The following ZNF665 variants were observed in gnomAD, a reference collection of about 807,000 sequenced individuals.
ZNF665 encodes the protein zinc finger protein 665.
In ZNF665, 6 loss-of-function variants were observed where a neutral mutation model predicts 7.9. The ratio of observed to expected loss-of-function variants is 0.76; its 90% CI spans 0.42 to 1.50. The LOEUF is 1.50. Ranked by LOEUF, ZNF665 falls within the 40% of genes most tolerant of loss-of-function variation. The pLI is 0.01. For missense variants in ZNF665, 819 were observed against 806.7 expected (o/e 1.02, Z -0.18); for synonymous variants, 242 against 274.5 (o/e 0.88, Z 1.17).
chr19:53,164,417 C>T lies in ZNF665; in HGVS notation c.*36G>A, dbSNP rs532688642. 3.1e-5 allele frequency: 46 copies of T among 1,490,246 alleles called. No individual in the cohort carries two copies. The highest frequency in any genetic ancestry group is 1.9e-4 in the Middle Eastern group (1 of 5,344). The allele number at this position is 1,490,246 out of a possible 1,614,324, so 92.3% of individuals were successfully genotyped here. On this transcript the variant is annotated 3_prime_UTR_variant, in exon 4 of 4. Transcript: ENST00000396424. ...CCTCCCAAAGTGCTGGGATTACAGG[C>T]GTGAGCCACCACGCCCGGCGTCCTT...
intron 2 of ZNF665, chr19:53,179,760 A>T (rs2090724926): frequency 6.6e-6 from 1 of 152,222 alleles, no homozygotes; most frequent in East Asian, 1.9e-4. Flanking sequence ...GTCGGTCAGA[A>T]GTTTCAGAGG....
At chr19:53,183,518 C>A (rs376624676) in intron 1 of ZNF665, among the ~76,000 whole-genome samples, 5 of 151,984 alleles carry the variant, frequency 3.3e-5, no homozygotes, top group East Asian at 1.9e-4. Flanking sequence ...CCAGCACAGC[C>A]CCCCCACCTT....
intron 3 of ZNF665, among the ~76,000 whole-genome samples, chr19:53,171,504 G>GTGTGTATATATATA (rs140482885): frequency 0.078 from 4,402 of 56,686 alleles, 504 homozygotes; most frequent in Non-Finnish European, 0.12. Context: ...GTGTGTGTGT[G>GTGTGTATATATATA]TATATATATA....
chr19:53,169,149 C>CA (rs1378513440), intron 3 of ZNF665, among the ~76,000 whole-genome samples: 1 of 151,998 alleles, frequency 6.6e-6, no homozygotes, highest in Admixed American at 6.6e-5. Flanking sequence ...GGAAAATATT[C>CA]ACAAAGCACA....
At chr19:53,178,869 G>A (rs947674599) in intron 2 of ZNF665, among the ~76,000 whole-genome samples, 4 of 152,134 alleles carry the variant, frequency 2.6e-5, no homozygotes, top group Admixed American at 6.5e-5. Flanking sequence ...TAGTTTGCAC[G>A]CATTTGGAAG....
rs35735454 is a variant in ZNF665, at chr19:53,164,133, C to CTTTTTTTTTTTTTTTTT, written c.*303_*319dup. 10 of 104,626 alleles carry CTTTTTTTTTTTTTTTTT rather than the reference C, an allele frequency of 9.6e-5. No homozygotes were observed. Among genetic ancestry groups the CTTTTTTTTTTTTTTTTT allele is most frequent in the African/African-American group, 3.0e-4 (9 of 30,392 alleles). 6.5% of individuals were successfully genotyped at this position (104,626 alleles called of 1,614,324 possible). A position where few individuals can be genotyped will look rare whatever the true frequency, so the allele number is the denominator to read the frequency against. On this transcript the variant is annotated 3_prime_UTR_variant, in exon 4 of 4. Coordinates refer to ENST00000396424, the MANE Select transcript of ZNF665 (RefSeq NM_024733.5). The stretch of plus-strand genomic sequence containing the variant: ...CTGGCCGCACTCCTTTGTAAGGTTA[C>CTTTTTTTTTTTTTTTTT]TTTTTTTTTTTTTTTTTTTTTGGAG...
rs553421903 is a variant in ZNF665, at chr19:53,184,867, C to T, written c.-45-1924G>A. Reference sequence around the variant, plus strand: ...CCATCTCCAATGATAGGTAAGGTCACGTGGGTCACGTGTCCACTGGACAGA... The same window carrying T: ...CCATCTCCAATGATAGGTAAGGTCATGTGGGTCACGTGTCCACTGGACAGA... On this transcript the variant is annotated intron_variant, in intron 1 of 3. Coordinates refer to ENST00000396424, the MANE Select transcript of ZNF665 (RefSeq NM_024733.5). Among the ~76,000 whole-genome samples the T allele has an allele frequency of 7.3e-5, 11 of 151,480 alleles. No homozygotes were observed. The East Asian group carries it at 1.4e-3, about 19-fold the overall frequency.
rs374207298 is a variant in ZNF665, at chr19:53,166,083, T to C, written c.407A>G (p.His136Arg). Residue 136 changes from histidine (H) to arginine (R), a missense_variant, in exon 4 of 4, where the codon CAT (histidine) becomes CGT (arginine). Transcript: ENST00000396424. ...QRDRRAAGNR[H>R]IENQLGVSFQ... ...GCTTACTCCAAGCTGATTTTCAATA[T>C]GCCTGTTTCCTGCAGCCCTTCTATC... 1.9e-6 allele frequency: 3 copies of C among 1,614,134 alleles called. No individual in the cohort carries two copies. The highest frequency in any genetic ancestry group is 2.5e-6 in the Non-Finnish European group (3 of 1,179,970).
Position 53,165,834 on chromosome 19 carries a change from GA to G in ZNF665, c.655del (p.Ser219GlnfsTer3), listed in dbSNP as rs1252754640. On this transcript the variant is annotated frameshift_variant, in exon 4 of 4. Coordinates refer to ENST00000396424, the MANE Select transcript of ZNF665 (RefSeq NM_024733.5). LOFTEE classifies it low-confidence loss of function (END_TRUNC). ...GATGACCTGATGGATTGTTAGGTTT[GA>G]ACGAACAGTAAAGGCTTTGCCACAC... is the stretch of plus-strand genomic sequence containing the variant. ...NKCGKAFTVR[S>X]NLTIHQVIHT... 6.2e-7 allele frequency: 1 copy of G among 1,614,104 alleles called. No individual in the cohort carries two copies. The highest frequency in any genetic ancestry group is 8.5e-7 in the Non-Finnish European group (1 of 1,180,004).
rs1217508900 is a variant in ZNF665 at position 53,164,898 on chromosome 19, A to G, written c.1592T>C (p.Ile531Thr). ...KAFSVHSSLT[I>T]HQTIHTGQKP... Reference sequence around the variant, plus strand: ...TTGTCCAGTATGTATTGTCTGATGTATAGTTAGGCTTGAATGAACACTAAA... The same window carrying G: ...TTGTCCAGTATGTATTGTCTGATGTGTAGTTAGGCTTGAATGAACACTAAA... Residue 531 changes from isoleucine (I) to threonine (T), a missense_variant, in exon 4 of 4, where the codon ATA becomes ACA. Coordinates refer to ENST00000396424, the MANE Select transcript of ZNF665 (RefSeq NM_024733.5). 3 of 1,613,856 alleles carry G rather than the reference A, an allele frequency of 1.9e-6. No homozygotes were observed. The highest frequency in any genetic ancestry group is 2.5e-6 in the Non-Finnish European group (3 of 1,180,004).
intron 2 of ZNF665, chr19:53,180,896 G>GT (rs2090733322): frequency 6.6e-6 from 1 of 152,078 alleles, no homozygotes; most frequent in African/African-American, 2.4e-5. Flanking sequence ...GGAGGTTTTA[G>GT]TTTATTTTAC....
intron 2 of ZNF665, among the ~76,000 whole-genome samples, chr19:53,177,460 T>G (rs531872992): frequency 6.6e-6 from 1 of 151,586 alleles, no homozygotes; most frequent in Non-Finnish European, 1.5e-5. Flanking sequence ...TAGCCGGAAA[T>G]TGCTTGAACC....
intron 1 of ZNF665, among the ~76,000 whole-genome samples, chr19:53,185,137 A>C: frequency 6.6e-6 from 1 of 151,786 alleles, no homozygotes. Flanking sequence ...GACTGATGTC[A>C]GGCCCTCCAC....
At chr19:53,175,407 A>G in intron 3 of ZNF665, 38 bp downstream of exon 3, 1 of 1,594,106 alleles carries the variant, frequency 6.3e-7, no homozygotes, top group Non-Finnish European at 8.5e-7. Flanking sequence ...AACATACACG[A>G]GAACAGACCC....
Position 53,164,795 on chromosome 19 carries a change from A to C in ZNF665, c.1695T>G (p.Thr565=). ...CATTACACTTATAAGGTTTCTCACC[A>C]GTGTGAATTCTCTGATGAATTGCAA... ...SYLAIHQRIH[T]GEKPYKCNEC... is the part of the protein sequence containing the mutation. The change falls in exon 4 of 4, where the codon ACT becomes ACG. Residue 565 remains threonine (T), a synonymous_variant. Coordinates refer to ENST00000396424, the MANE Select transcript of ZNF665 (RefSeq NM_024733.5). The C allele has an allele frequency of 6.2e-7, 1 of 1,614,226 alleles. No homozygotes were observed. Among genetic ancestry groups the C allele is most frequent in the Non-Finnish European group, 8.5e-7 (1 of 1,180,028 alleles).
intron 3 of ZNF665, among the ~76,000 whole-genome samples, chr19:53,175,086 G>T (rs1349503179): frequency 1.3e-5 from 2 of 152,028 alleles, no homozygotes; most frequent in African/African-American, 4.8e-5. Context: ...CATTTCAACA[G>T]TTGATCCACG....
rs1233941700 is a variant in ZNF665 at position 53,165,469 on chromosome 19, T to C, written c.1021A>G (p.Thr341Ala). ...SSLTTHQTIH[T>A]GEKPYKCNEC... ...TTACATTTGTAAGGTTTTTCTCCAGTGTGGATTGTCTGATGGGTAGTCAGG... is the reference window on the plus strand; with the variant it reads ...TTACATTTGTAAGGTTTTTCTCCAGCGTGGATTGTCTGATGGGTAGTCAGG... The change falls in exon 4 of 4, where the codon ACT becomes GCT. Residue 341 changes from threonine (T) to alanine (A), a missense_variant. By Grantham distance (58) the Thr-to-Ala change is moderately conservative. Transcript: ENST00000396424. 1 of 1,613,276 alleles carries C rather than the reference T, an allele frequency of 6.2e-7. No individual in the cohort carries two copies. Among genetic ancestry groups the C allele is most frequent in the Admixed American group, 1.7e-5 (1 of 59,922 alleles).
intron 3 of ZNF665, among the ~76,000 whole-genome samples, chr19:53,168,148 ATTTT>A: frequency 6.7e-6 from 1 of 150,164 alleles, no homozygotes; most frequent in South Asian, 2.1e-4. Context: ...CTGGAATATA[ATTTT>A]TTTTTATGAA....
At position 53,182,924 on chromosome 19, in the gene ZNF665, CTCT is replaced by C; in HGVS notation, c.-29_-27del. The stretch of plus-strand genomic sequence containing the variant: ...CCCTGACTCCTTTGCCTTCCTCTTC[CTCT>C]TCTTCCAGGGTTCTACCTTGGGTAA... On this transcript the variant is annotated 5_prime_UTR_variant, in exon 2 of 4. Transcript: ENST00000396424. 3 of 1,608,678 alleles carry C rather than the reference CTCT, an allele frequency of 1.9e-6. No homozygotes were observed. The highest frequency in any genetic ancestry group is 1.1e-5 in the South Asian group (1 of 91,076).
Sources: allele counts gnomAD v4.1 joint callset (sites outside exome capture counted in the v4.1 genomes callset), GRCh38; gene constraint gnomAD v4.1.1; transcripts MANE v1.5; gene names NCBI Gene and HGNC (gene_info 2026-07-23, HGNC 2026-07-21).